Variants in DHRSX observed in about 807,000 individuals in gnomAD.
The protein encoded by DHRSX is dehydrogenase/reductase X-linked, also known as polyprenol dehydrogenase.
In DHRSX, 31 loss-of-function variants were observed where a neutral mutation model predicts 34.0. The ratio of observed to expected loss-of-function variants is 0.91; its 90% CI spans 0.69 to 1.23. DHRSX has a LOEUF of 1.23. Among genes scored for constraint, DHRSX ranks in the 50% most tolerant of loss-of-function variants. The probability of loss-of-function intolerance (pLI) is 0.00; values close to 1 mark genes in which losing one functional copy is unlikely to be tolerated. For missense variants in DHRSX, 414 were observed against 428.1 expected, an observed-to-expected ratio of 0.97 and a Z score of 0.29; for synonymous variants, 201 against 183.8, an observed-to-expected ratio of 1.09 and a Z score of -0.76.
chrX:2,431,716 G>C (rs2043925565), intron 1 of DHRSX, among the ~76,000 whole-genome samples: 1 of 152,118 alleles, frequency 6.6e-6, no homozygotes, highest in South Asian at 2.1e-4. Flanking sequence ...AAGTACAGAT[G>C]GACATAAAGA....
rs890396572 is a variant in DHRSX, at chrX:2,357,354, G to GA, written c.286+51390dup. On this transcript the variant is annotated intron_variant, in intron 3 of 6. Transcript: ENST00000334651. ...TGTAAATGGAAAGGTTTCGTGCAAA[G>GA]AAAAAAAAAATCCCTGAGATAAAAA... Among the ~76,000 whole-genome samples, 57 of 148,422 alleles carry GA rather than the reference G, an allele frequency of 3.8e-4. 1 individual carries two copies. Among genetic ancestry groups the GA allele is most frequent in the South Asian group, 2.8e-3 (13 of 4,710 alleles).
At chrX:2,267,345 A>G (rs2041488861) in intron 4 of DHRSX, among the ~76,000 whole-genome samples, 1 of 152,110 alleles carries the variant, frequency 6.6e-6, no homozygotes, top group Admixed American at 6.6e-5. Context: ...GGACTTCAAG[A>G]CCAGCCTGCC....
chrX:2,361,431 G>A (rs746452335), intron 3 of DHRSX, among the ~76,000 whole-genome samples: 3 of 152,202 alleles, frequency 2.0e-5, no homozygotes, highest in South Asian at 2.1e-4. Context: ...AATGTTATCA[G>A]TAATGCTATA....
At chrX:2,444,835 C>CA (rs71309499) in intron 1 of DHRSX, among the ~76,000 whole-genome samples, 35,546 of 146,384 alleles carry the variant, frequency 0.24, 5,111 homozygotes, top group African/African-American at 0.4. Context: ...ACCCAGTCTC[C>CA]AAAAAAAAAA....
intron 3 of DHRSX, among the ~76,000 whole-genome samples, chrX:2,321,553 G>A (rs999627649): frequency 6.6e-6 from 1 of 151,880 alleles, no homozygotes; most frequent in African/African-American, 2.4e-5. Flanking sequence ...AGAGACACCA[G>A]GGCACACATG....
Position 2,477,199 on chromosome X carries a change from G to A in DHRSX, c.109+23618C>T, listed in dbSNP as rs186857528. 2.2e-3 allele frequency among the ~76,000 whole-genome samples: 333 copies of A among 152,228 alleles called. 4 individuals carry two copies. Among genetic ancestry groups the A allele is most frequent in the South Asian group, 0.017 (80 of 4,812 alleles). ...GCTCTGGGCTTCCACAAATCCCCAA[G>A]ACCTAATAAGACACCTGGCTCCGTC... On this transcript the variant is annotated intron_variant, in intron 1 of 6. Coordinates refer to ENST00000334651, the MANE Select transcript of DHRSX (RefSeq NM_145177.3).
At chrX:2,500,771 C>T in intron 1 of DHRSX, 46 bp downstream of exon 1, 2 of 992,308 alleles carry the variant, frequency 2.0e-6, no homozygotes, top group African/African-American at 1.8e-5. Flanking sequence ...CCAGCCCGCG[C>T]CCACCCGGGT....
intron 4 of DHRSX, among the ~76,000 whole-genome samples, chrX:2,271,400 GGCCTGTGGCCT>G (rs1372921458): frequency 8.5e-5 from 13 of 152,210 alleles, no homozygotes; most frequent in Non-Finnish European, 1.8e-4. Context: ...TGCCATTCCA[GGCCTGTGGCCT>G]GCTGAAATCC....
chrX:2,299,398 T>G (rs768190372), intron 3 of DHRSX, among the ~76,000 whole-genome samples: 21 of 152,234 alleles, frequency 1.4e-4, no homozygotes, highest in African/African-American at 4.6e-4. Flanking sequence ...GCACCTAGCA[T>G]GGTGAATGAT....
intron 6 of DHRSX, among the ~76,000 whole-genome samples, chrX:2,224,771 C>T (rs2015602349): frequency 6.6e-6 from 1 of 151,980 alleles, no homozygotes; most frequent in Non-Finnish European, 1.5e-5. Context: ...TGCATACTCA[C>T]ACTCATTCAC....
rs752912920 is a variant in DHRSX, at chrX:2,246,441, G to A, written c.597-3211C>T. Among the ~76,000 whole-genome samples, 170 of 152,056 alleles carry A rather than the reference G, an allele frequency of 1.1e-3. 1 individual carries two copies. Among genetic ancestry groups the A allele is most frequent in the African/African-American group, 3.9e-3 (160 of 41,484 alleles). ...GTTTGAGACCATCCTGGTTAACATG[G>A]TGAAACCCCATCTCTACTAAAAATA... On this transcript the variant is annotated intron_variant, in intron 5 of 6. Coordinates refer to ENST00000334651, the MANE Select transcript of DHRSX (RefSeq NM_145177.3).
At chrX:2,496,798 A>G (rs976260905) in intron 1 of DHRSX, among the ~76,000 whole-genome samples, 4 of 150,628 alleles carry the variant, frequency 2.7e-5, no homozygotes, top group African/African-American at 9.7e-5. Flanking sequence ...AAAAATATCA[A>G]TTGTTTTTAT....
At chrX:2,221,695 T>C (rs2015524440) in intron 6 of DHRSX, among the ~76,000 whole-genome samples, 1 of 152,178 alleles carries the variant, frequency 6.6e-6, no homozygotes, top group African/African-American at 2.4e-5. Context: ...ATTGAGGCAT[T>C]TATGAGCTGT....
At chrX:2,406,652 G>A (rs1024761990) in intron 3 of DHRSX, among the ~76,000 whole-genome samples, 32 of 151,900 alleles carry the variant, frequency 2.1e-4, no homozygotes, top group Non-Finnish European at 7.4e-5. Context: ...TGTTAGCCAG[G>A]CTGGTCTCGA....
intron 1 of DHRSX, chrX:2,487,858 A>G (rs1184737690): frequency 6.6e-6 from 1 of 151,916 alleles, no homozygotes; most frequent in Non-Finnish European, 1.5e-5. Flanking sequence ...TCTCTTCCCC[A>G]TTTCTCAGAA....
At chrX:2,295,218 T>C (rs2041918029) in intron 3 of DHRSX, among the ~76,000 whole-genome samples, 1 of 150,260 alleles carries the variant, frequency 6.7e-6, no homozygotes, top group Admixed American at 6.7e-5. Context: ...ATGTGGCACA[T>C]AGACACCATG....
At chrX:2,231,442 T>C (rs868477445) in intron 6 of DHRSX, among the ~76,000 whole-genome samples, 10 of 151,474 alleles carry the variant, frequency 6.6e-5, no homozygotes, top group Non-Finnish European at 1.2e-4. Context: ...TCTCTTTTTC[T>C]CTCTCTATTC....
chrX:2,499,732 C>T (rs1402902515), intron 1 of DHRSX, among the ~76,000 whole-genome samples: 2 of 152,048 alleles, frequency 1.3e-5, no homozygotes, highest in South Asian at 2.1e-4. Context: ...CGTAGCAAGA[C>T]CCTATTGCTA....
intron 3 of DHRSX, among the ~76,000 whole-genome samples, chrX:2,397,769 G>C (rs2043430547): frequency 6.6e-6 from 1 of 152,120 alleles, no homozygotes; most frequent in Non-Finnish European, 1.5e-5. Flanking sequence ...CTCGTTACGG[G>C]CGGGATGGAA....
Sources: gnomAD v4.1 joint callset for allele counts (sites outside exome capture counted in the v4.1 genomes callset) on GRCh38, gnomAD v4.1.1 for gene constraint, MANE v1.5 for transcripts, NCBI Gene and HGNC (gene_info 2026-07-23, HGNC 2026-07-21) for gene names.